TMEM232: variants seen among roughly 807,000 people sequenced by gnomAD.
The protein encoded by TMEM232 is transmembrane protein 232.
A neutral mutation model predicts 78.8 loss-of-function variants in TMEM232; 80 were observed. That is an observed-to-expected ratio of 1.01 (90% CI 0.85 to 1.22). The LOEUF is 1.22. TMEM232 is among the 50% of genes most tolerant of loss of function. The pLI, the probability that TMEM232 is intolerant of heterozygous loss-of-function variation, is 0.00. For synonymous variants in TMEM232, 297 were observed against 254.3 expected (o/e 1.17, Z -1.60); for missense variants, 881 against 742.2 (o/e 1.19, Z -2.17).
rs373481802 is a variant in TMEM232, at chr5:110,629,154, T to C, written c.502-1274A>G. 5.9e-5 allele frequency among the ~76,000 whole-genome samples: 9 copies of C among 152,146 alleles called. 1 individual carries two copies. Among genetic ancestry groups the C allele is most frequent in the East Asian group, 5.8e-4 (3 of 5,184 alleles). On this transcript the variant is annotated intron_variant, in intron 5 of 13. Coordinates refer to ENST00000455884, the MANE Select transcript of TMEM232 (RefSeq NM_001039763.4). ...TCTAGATGACAGAATTAAAGGAAAC[T>C]ACTCTCATAGATATAGACAATGAGT...
chr5:110,440,427 A>G (rs986652346), intron 12 of TMEM232, among the ~76,000 whole-genome samples: 1 of 152,134 alleles, frequency 6.6e-6, no homozygotes, highest in African/African-American at 2.4e-5. Flanking sequence ...TATATTCTTA[A>G]GAAGCTTCTT....
chr5:110,436,708 G>A (rs1489826906), intron 12 of TMEM232, among the ~76,000 whole-genome samples: 1 of 152,108 alleles, frequency 6.6e-6, no homozygotes, highest in Middle Eastern at 3.4e-3. Context: ...ATTTATTGAA[G>A]AGAGTGTCTT....
intron 12 of TMEM232, among the ~76,000 whole-genome samples, chr5:110,467,753 A>G (rs1580802052): frequency 6.6e-6 from 1 of 152,208 alleles, no homozygotes. Context: ...ATAAATAAAA[A>G]TATATTTTCA....
rs1799046152 is a variant in TMEM232 at position 110,735,307 on chromosome 5, T to C, written c.-125-292A>G. The stretch of plus-strand genomic sequence containing the variant: ...GAAACAATCTGCAACTTTTCATTTG[T>C]ATTTCAACTCAACAATAATAATGAC... On this transcript the variant is annotated intron_variant, in intron 1 of 4. Transcript: ENST00000512886. Among the ~76,000 whole-genome samples, 3 of 152,356 alleles carry C rather than the reference T, an allele frequency of 2.0e-5. No individual in the cohort carries two copies. In the East Asian group the frequency reaches 5.8e-4, roughly 29 times the overall value.
intron 11 of TMEM232, among the ~76,000 whole-genome samples, chr5:110,537,415 G>A (rs926024161): frequency 3.3e-5 from 5 of 151,850 alleles, no homozygotes; most frequent in Admixed American, 2.0e-4. Context: ...CAAGATGCAC[G>A]GCAAATGGTC....
chr5:110,494,243 A>G (rs1288641471), intron 12 of TMEM232, among the ~76,000 whole-genome samples: 2 of 152,176 alleles, frequency 1.3e-5, no homozygotes, highest in Non-Finnish European at 2.9e-5. Context: ...ATAAAACAGC[A>G]TAACAAATAT....
intron 10 of TMEM232, among the ~76,000 whole-genome samples, chr5:110,598,279 A>G (rs1360542360): frequency 3.3e-5 from 5 of 152,210 alleles, no homozygotes; most frequent in Non-Finnish European, 5.9e-5. Flanking sequence ...ATCACTGGCC[A>G]TCAGAGAAAT....
intron 1 of TMEM232, among the ~76,000 whole-genome samples, chr5:110,669,408 C>T (rs1194206977): frequency 6.6e-6 from 1 of 152,148 alleles, no homozygotes; most frequent in Non-Finnish European, 1.5e-5. Context: ...TGGACACATA[C>T]ACCCTCCCAA....
intron 12 of TMEM232, among the ~76,000 whole-genome samples, chr5:110,467,103 G>A (rs1418673039): frequency 6.6e-6 from 1 of 151,764 alleles, no homozygotes; most frequent in Non-Finnish European, 1.5e-5. Flanking sequence ...GAAGATGGAC[G>A]GCAGACCAAT....
Position 110,661,416 on chromosome 5 carries a change from A to AC in TMEM232, c.125+5811dup, listed in dbSNP as rs59706915. Among the ~76,000 whole-genome samples, 785 of 150,878 alleles carry AC rather than the reference A, an allele frequency of 5.2e-3. 21 individuals are homozygous for AC. The highest frequency in any genetic ancestry group is 0.051 in the East Asian group (261 of 5,106). On this transcript the variant is annotated intron_variant, in intron 2 of 13. Transcript: ENST00000455884. ...AATCTCTACCTCTAGGTCTCAAGTA[A>AC]CCCCCCCCACCTCATCTTCCTGGGT...
At chr5:110,489,692 G>C (rs145048434) in intron 12 of TMEM232, among the ~76,000 whole-genome samples, 1 of 152,054 alleles carries the variant, frequency 6.6e-6, no homozygotes, top group Admixed American at 6.6e-5. Flanking sequence ...ATTTAGATTA[G>C]AAATGAGGAA....
intron 12 of TMEM232, among the ~76,000 whole-genome samples, chr5:110,468,255 C>A (rs1762299319): frequency 6.6e-6 from 1 of 151,866 alleles, no homozygotes; most frequent in Admixed American, 6.6e-5. Context: ...ATTATCTTCC[C>A]AGTGAAAATA....
In TMEM232 at chr5:110,446,832, A is replaced by G. The variant is rs761952505; in HGVS notation, c.1704-21916T>C. Among the ~76,000 whole-genome samples the G allele has an allele frequency of 4.6e-5, 7 of 152,188 alleles. No individual in the cohort carries two copies. The South Asian group carries it at 8.3e-4, about 18-fold the overall frequency. ...GCTATGTTGGGTTTGCTGCATCCCT[A>G]TAATAGCACTCTCATTCTCATTCAT... On this transcript the variant is annotated intron_variant, in intron 12 of 13. Transcript: ENST00000455884.
chr5:110,738,799 A>G (rs1373483712), upstream of TMEM232: 6 of 467,258 alleles, frequency 1.3e-5, no homozygotes, highest in African/African-American at 1.0e-4. Context: ...CCCTATTCCT[A>G]CACCAGTTCT....
chr5:110,692,282 C>T (rs184960207), intron 1 of TMEM232, among the ~76,000 whole-genome samples: 20 of 152,232 alleles, frequency 1.3e-4, no homozygotes, highest in African/African-American at 3.6e-4. Context: ...AAACTTGGAT[C>T]AGAATAAAAT....
At chr5:110,718,972 G>A (rs1797300926) in intron 1 of TMEM232, among the ~76,000 whole-genome samples, 1 of 151,934 alleles carries the variant, frequency 6.6e-6, no homozygotes, top group South Asian at 2.1e-4. Context: ...TAATGATGGA[G>A]ATATGTTCTG....
chr5:110,414,407 T>G (rs990978529), intron 2 of TMEM232, among the ~76,000 whole-genome samples: 2 of 152,248 alleles, frequency 1.3e-5, no homozygotes, highest in African/African-American at 2.4e-5. Flanking sequence ...ATTAGATTGA[T>G]GCATACATGT....
intron 2 of TMEM232, among the ~76,000 whole-genome samples, chr5:110,646,575 T>G (rs1363285603): frequency 6.6e-6 from 1 of 151,746 alleles, no homozygotes; most frequent in East Asian, 1.9e-4. Context: ...GACTTAAATG[T>G]AAGGCCTGAA....
At chr5:110,618,990 G>A (rs1783298978) in intron 7 of TMEM232, among the ~76,000 whole-genome samples, 1 of 152,186 alleles carries the variant, frequency 6.6e-6, no homozygotes, top group Non-Finnish European at 1.5e-5. Flanking sequence ...CAAAATGTAT[G>A]CCTAGCAAGA....
Sources: allele counts gnomAD v4.1 joint callset (sites outside exome capture counted in the v4.1 genomes callset), GRCh38; gene constraint gnomAD v4.1.1; transcripts MANE v1.5; gene names NCBI Gene and HGNC (gene_info 2026-07-23, HGNC 2026-07-21).